Variants in NCOR2 observed in about 807,000 individuals in gnomAD.
NCOR2 encodes the protein CTG repeat protein 26.
Under a neutral mutation model 262.9 loss-of-function variants are expected in NCOR2, and 81 were observed. The observed-to-expected ratio is 0.31, with a 90% CI of 0.26 to 0.37. The LOEUF is 0.37. Ranked by LOEUF, NCOR2 falls within the 10% of genes least tolerant of loss-of-function variation. NCOR2 has a pLI of 1.00. For missense variants in NCOR2, 3,385 were observed against 3,621.4 expected (o/e 0.93, Z 1.68); for synonymous variants, 1,659 against 1,559.3 (o/e 1.06, Z -1.51).
intron 27 of NCOR2, among the ~76,000 whole-genome samples, chr12:124,351,022 T>C (rs953032979): frequency 1.3e-5 from 2 of 152,188 alleles, no homozygotes; most frequent in Admixed American, 6.5e-5. Flanking sequence ...ACAACCCTAT[T>C]GATTATGCCT....
chr12:124,445,327 C>T (rs1220782590), intron 7 of NCOR2, among the ~76,000 whole-genome samples: 2 of 152,210 alleles, frequency 1.3e-5, no homozygotes, highest in South Asian at 2.1e-4. Context: ...TGCCCCTCTG[C>T]GGCTGCCCCG....
At chr12:124,524,717 AT>A (rs1322628729) in intron 1 of NCOR2, among the ~76,000 whole-genome samples, 2 of 152,020 alleles carry the variant, frequency 1.3e-5, no homozygotes, top group African/African-American at 4.8e-5. Flanking sequence ...CCCCTAACTA[AT>A]CACCCCCAGG....
At chr12:124,361,024 G>A (rs557002862) in intron 22 of NCOR2, among the ~76,000 whole-genome samples, 2 of 151,304 alleles carry the variant, frequency 1.3e-5, no homozygotes, top group African/African-American at 4.9e-5. Flanking sequence ...CAAATGTCCT[G>A]ACCCAGCAGC....
chr12:124,511,010 C>T (rs963828198), intron 1 of NCOR2, among the ~76,000 whole-genome samples: 3 of 152,246 alleles, frequency 2.0e-5, no homozygotes, highest in Admixed American at 2.0e-4. Context: ...CTTTGTGTCC[C>T]CCAGAGTCCC....
At position 124,325,660 on chromosome 12, in the gene NCOR2, C is replaced by T. The variant is rs548299213; in HGVS notation, c.7364-77G>A. 1.4e-5 allele frequency: 15 copies of T among 1,043,078 alleles called. No individual in the cohort carries two copies. The South Asian group carries it at 3.4e-4, about 24-fold the overall frequency. The allele number at this position is 1,043,078 out of a possible 1,614,324, so 64.6% of individuals were successfully genotyped here. ...CCTGCTGGCCGCCTGCCCACCACAC[C>T]GGGAACAGAGGCCTCAGCGTTTCTG... is the stretch of plus-strand genomic sequence containing the variant. On this transcript the variant is annotated intron_variant, in intron 46 of 46. Transcript: ENST00000405201.
chr12:124,554,009 G>A (rs1263345059), intron 1 of NCOR2, among the ~76,000 whole-genome samples: 1 of 152,160 alleles, frequency 6.6e-6, no homozygotes, highest in Non-Finnish European at 1.5e-5. Context: ...CTCCCCTGCA[G>A]CTCCTGGTGA....
intron 1 of NCOR2, among the ~76,000 whole-genome samples, chr12:124,506,791 G>A (rs977775677): frequency 6.6e-6 from 1 of 152,200 alleles, no homozygotes; most frequent in Non-Finnish European, 1.5e-5. Context: ...TGGGCAGTGG[G>A]GAGGGAGACG....
chr12:124,479,310 G>A (rs183722654), intron 3 of NCOR2, among the ~76,000 whole-genome samples: 44 of 149,766 alleles, frequency 2.9e-4, no homozygotes, highest in African/African-American at 7.7e-4. Flanking sequence ...GCACATGCAC[G>A]GACACATGCA....
intron 13 of NCOR2, 145 bp from the exon 16 acceptor site, chr12:124,402,706 G>C: frequency 6.9e-7 from 1 of 1,445,932 alleles, no homozygotes; most frequent in Non-Finnish European, 9.2e-7. Context: ...TAAACAACCG[G>C]GAAGCCAGGC....
At chr12:124,333,663 C>G (rs1262138519) in intron 41 of NCOR2, among the ~76,000 whole-genome samples, 1 of 151,402 alleles carries the variant, frequency 6.6e-6, no homozygotes, top group Non-Finnish European at 1.5e-5. Context: ...CACATTACCC[C>G]CCCCGCCCCC....
In NCOR2 at chr12:124,483,487, T is replaced by G. The variant is rs960771235; in HGVS notation, c.411+109A>C. 2.6e-5 allele frequency: 32 copies of G among 1,243,266 alleles called. No homozygotes were observed. The highest frequency in any genetic ancestry group is 2.7e-5 in the Non-Finnish European group (25 of 929,890). 77.0% of individuals were successfully genotyped at this position (1,243,266 alleles called of 1,614,324 possible). A position where few individuals can be genotyped will look rare whatever the true frequency, so the allele number is the denominator to read the frequency against. ...GGTGCTTGGCCCACCTCCAAGCCTT[T>G]GCCCGAGCTGCCCCCTCCCTGCACC... On this transcript the variant is annotated intron_variant, in intron 3 of 46. Coordinates refer to ENST00000405201, the Ensembl canonical transcript of NCOR2. This position sits in a 1 kb window ranked among gnomAD's most constrained non-coding sequence, Gnocchi z 6.3.
In NCOR2 at chr12:124,378,501, T is replaced by A. The variant is rs2040184930; in HGVS notation, c.2020-117A>T. ...GGCAGTGATCCCGGCCATGTAGCAA[T>A]GAGGGTGACCGTCCCCCTCACACCC... is the stretch of plus-strand genomic sequence containing the variant. On this transcript the variant is annotated intron_variant, in intron 17 of 46. Transcript: ENST00000405201. The surrounding 1 kb of genome is among the most constrained non-coding windows in gnomAD (Gnocchi z 4.2). 9 of 1,086,236 alleles carry A rather than the reference T, an allele frequency of 8.3e-6. No individual in the cohort carries two copies. The highest frequency in any genetic ancestry group is 1.2e-5 in the Non-Finnish European group (9 of 778,162). 67.3% of individuals were successfully genotyped at this position (1,086,236 alleles called of 1,614,324 possible).
intron 13 of NCOR2, among the ~76,000 whole-genome samples, chr12:124,412,589 C>T (rs2042639438): frequency 6.6e-6 from 1 of 152,240 alleles, no homozygotes; most frequent in African/African-American, 2.4e-5. Flanking sequence ...TTGCCCACCC[C>T]AAACACCTGG....
At position 124,336,417 on chromosome 12, in the gene NCOR2, A is replaced by T. The variant is rs550790812; in HGVS notation, c.6115+336T>A. The T allele has an allele frequency of 4.0e-4, 101 of 252,470 alleles. 1 individual carries two copies. The highest frequency in any genetic ancestry group is 2.2e-3 in the African/African-American group (96 of 43,952). The allele number at this position is 252,470 out of a possible 1,614,324, so 15.6% of individuals were successfully genotyped here. On this transcript the variant is annotated intron_variant, in intron 38 of 46. Coordinates refer to ENST00000405201, the Ensembl canonical transcript of NCOR2. Reference sequence around the variant, plus strand: ...AAAAAAAAGCAAAAATCCAAAAAAAAAAAACCATGGTAAAATGATGTGCAA... The same window carrying T: ...AAAAAAAAGCAAAAATCCAAAAAAATAAAACCATGGTAAAATGATGTGCAA...
rs952823623 is a variant in NCOR2 at position 124,482,006 on chromosome 12, T to C, written c.411+1590A>G. Among the ~76,000 whole-genome samples, 3 of 152,062 alleles carry C rather than the reference T, an allele frequency of 2.0e-5. No individual in the cohort carries two copies. Among genetic ancestry groups the C allele is most frequent in the Admixed American group, 6.5e-5 (1 of 15,270 alleles). On this transcript the variant is annotated intron_variant, in intron 3 of 46. Coordinates refer to ENST00000405201, the Ensembl canonical transcript of NCOR2. The surrounding 1 kb of genome is among the most constrained non-coding windows in gnomAD (Gnocchi z 6.3). ...TTAGGGCAGAGGTGTCAGGATTTGCTGATGGACTGGAAGTACGCAGGAGAG... is the reference window on the plus strand; with the variant it reads ...TTAGGGCAGAGGTGTCAGGATTTGCCGATGGACTGGAAGTACGCAGGAGAG...
intron 25 of NCOR2, 98 bp downstream of exon 27, chr12:124,354,739 A>G: frequency 6.0e-6 from 8 of 1,333,714 alleles, no homozygotes; most frequent in Non-Finnish European, 8.2e-6. Context: ...TGCTACCTGG[A>G]GTACCGTGGG....
chr12:124,479,170 A>C (rs1423819134), intron 3 of NCOR2, among the ~76,000 whole-genome samples: 1 of 152,186 alleles, frequency 6.6e-6, no homozygotes, highest in Non-Finnish European at 1.5e-5. Context: ...CTGCCCACTC[A>C]GGGGTTGGTC....
intron 7 of NCOR2, 99 bp downstream of exon 9, chr12:124,449,716 G>A: frequency 7.0e-7 from 1 of 1,429,960 alleles, no homozygotes; most frequent in Non-Finnish European, 9.7e-7. Flanking sequence ...GCCCCTGATG[G>A]GAACAGAGAG....
At chr12:124,364,946 A>T (rs1593229147) in intron 20 of NCOR2, among the ~76,000 whole-genome samples, 2 of 147,776 alleles carry the variant, frequency 1.4e-5, no homozygotes, top group Non-Finnish European at 3.0e-5. Flanking sequence ...GGCAGCCTGG[A>T]CCGTGTTTGC....
Sources: gnomAD v4.1 joint callset for allele counts (sites outside exome capture counted in the v4.1 genomes callset) on GRCh38, gnomAD v4.1.1 for gene constraint, Gnocchi (gnomAD v3.1) non-coding constraint, MANE v1.5 for transcripts, NCBI Gene and HGNC (gene_info 2026-07-23, HGNC 2026-07-21) for gene names.